Variants in HHIP observed in about 807,000 individuals in gnomAD.
The protein encoded by HHIP is hedgehog interacting protein.
In HHIP, 12 loss-of-function variants were observed where a neutral mutation model predicts 74.0. The observed-to-expected ratio is 0.16, with a 90% CI of 0.10 to 0.26. The LOEUF (loss-of-function observed/expected upper bound fraction) is 0.26. Ranked by LOEUF, HHIP falls within the 10% of genes least tolerant of loss-of-function variation. HHIP has a pLI of 1.00. For synonymous variants in HHIP, 309 were observed against 311.6 expected, an observed-to-expected ratio of 0.99 and a Z score of 0.09; for missense variants, 788 against 845.0, an observed-to-expected ratio of 0.93 and a Z score of 0.84.
chr4:144,714,306 C>T lies in HHIP; in HGVS notation c.1505C>T (p.Ser502Leu). 4 of 1,613,426 alleles carry T rather than the reference C, an allele frequency of 2.5e-6. No homozygotes were observed. The highest frequency in any genetic ancestry group is 3.4e-6 in the Non-Finnish European group (4 of 1,179,584). The part of the protein sequence containing the change: ...VGGFVYRGCQ[S>L]ERLYGSYVFG... ...GGATTTGTATACCGGGGCTGCCAGT[C>T]AGAAAGATTGTATGGAAGCTACGTG... is the stretch of plus-strand genomic sequence containing the variant. Residue 502 changes from serine (S) to leucine (L), a missense_variant, in exon 9 of 13, where the codon TCA becomes TTA. Around this residue, in one of 3 missense-constraint regions of HHIP, gnomAD observed 343 missense variants for 347.9 expected, o/e 0.99. Coordinates refer to ENST00000296575, the MANE Select transcript of HHIP (RefSeq NM_022475.3).
intron 4 of HHIP, among the ~76,000 whole-genome samples, chr4:144,686,311 G>C (rs1315103658): frequency 1.3e-5 from 2 of 151,810 alleles, no homozygotes; most frequent in Non-Finnish European, 2.9e-5. Flanking sequence ...TTTTTTTTAA[G>C]AGCCAGGAAA....
At chr4:144,732,790 T>A (rs984283845) in intron 11 of HHIP, among the ~76,000 whole-genome samples, 1 of 152,202 alleles carries the variant, frequency 6.6e-6, no homozygotes, top group African/African-American at 2.4e-5. Context: ...GCCTATAACA[T>A]GTAATAGATT....
chr4:144,690,888 AT>A (rs1008560823), intron 4 of HHIP, among the ~76,000 whole-genome samples: 6 of 151,496 alleles, frequency 4.0e-5, no homozygotes, highest in African/African-American at 4.8e-5. Context: ...GCTGTCCATG[AT>A]TTTTTTTTAA....
chr4:144,701,915 T>C (rs985472097), intron 4 of HHIP, among the ~76,000 whole-genome samples: 22 of 152,184 alleles, frequency 1.4e-4, no homozygotes, highest in Non-Finnish European at 1.5e-4. Context: ...AAACTAACTG[T>C]AACCACATTA....
At chr4:144,687,751 C>CTTTTTTTTT (rs5862719) in intron 4 of HHIP, among the ~76,000 whole-genome samples, 4 of 73,442 alleles carry the variant, frequency 5.4e-5, no homozygotes, top group Non-Finnish European at 7.2e-5. Flanking sequence ...CTTTTGGCAA[C>CTTTTTTTTT]TTTTTTTTTT....
At chr4:144,659,438 G>C (rs1423704354) in intron 3 of HHIP, among the ~76,000 whole-genome samples, 199 bp from the exon 4 acceptor site, 1 of 152,134 alleles carries the variant, frequency 6.6e-6, no homozygotes, top group East Asian at 1.9e-4. Flanking sequence ...TCTGAAAGAA[G>C]GCTGTTTTGT....
At chr4:144,709,347 A>G (rs1461252055) in intron 7 of HHIP, among the ~76,000 whole-genome samples, 9 of 152,156 alleles carry the variant, frequency 5.9e-5, no homozygotes, top group African/African-American at 2.2e-4. Context: ...TAGAGCTCAG[A>G]ACTCACAGAT....
At chr4:144,665,488 A>G (rs1728836213) in intron 4 of HHIP, among the ~76,000 whole-genome samples, 1 of 152,216 alleles carries the variant, frequency 6.6e-6, no homozygotes, top group Non-Finnish European at 1.5e-5. Context: ...GTACTCTGTG[A>G]AAAATGTCAT....
At chr4:144,725,569 T>A (rs1048321694) in intron 11 of HHIP, among the ~76,000 whole-genome samples, 1 of 152,218 alleles carries the variant, frequency 6.6e-6, no homozygotes, top group African/African-American at 2.4e-5. Context: ...TATTTTTTGA[T>A]GATTTCTAAA....
intron 4 of HHIP, among the ~76,000 whole-genome samples, chr4:144,687,274 G>C (rs1016887497): frequency 6.6e-6 from 1 of 152,144 alleles, no homozygotes; most frequent in African/African-American, 2.4e-5. Context: ...CATAAATAGA[G>C]AGTTTTGGAG....
At chr4:144,718,978 T>C (rs2126670720) in intron 11 of HHIP, 22 bp downstream of exon 11, 1 of 1,380,576 alleles carries the variant, frequency 7.2e-7, no homozygotes, top group African/African-American at 1.4e-5. Flanking sequence ...TTTTATCCCA[T>C]TAAGTCAAGT....
chr4:144,708,414 G>A, intron 7 of HHIP, 103 bp downstream of exon 7: 1 of 1,190,644 alleles, frequency 8.4e-7, no homozygotes, highest in African/African-American at 1.5e-5. Flanking sequence ...AGCAGCCAAA[G>A]GTAGTATCTA....
intron 11 of HHIP, among the ~76,000 whole-genome samples, chr4:144,721,522 T>C (rs569381347): frequency 2.0e-5 from 3 of 151,706 alleles, no homozygotes; most frequent in Admixed American, 6.6e-5. Flanking sequence ...AGATATTCTC[T>C]TGTAAAAATT....
chr4:144,732,858 A>G (rs1424792762), intron 11 of HHIP, among the ~76,000 whole-genome samples: 2 of 152,212 alleles, frequency 1.3e-5, no homozygotes, highest in Non-Finnish European at 2.9e-5. Context: ...GTGGGTGAGC[A>G]AGTGAGTAAG....
In HHIP at chr4:144,646,812, A is replaced by T; in HGVS notation, c.137A>T (p.Lys46Met). The part of the protein sequence containing the change: ...RRRCLNGNPP[K>M]RLKRRDRRMM... ...AGGTGCCTGAATGGGAACCCCCCGA[A>T]GCGCCTGAAAAGGAGAGACAGGAGG... Residue 46 changes from lysine to methionine, a missense_variant, in exon 1 of 13, where the codon AAG (lysine) becomes ATG (methionine). Lys to Met is a moderately conservative substitution (Grantham distance 95, BLOSUM62 -1). This residue lies in a region of HHIP where 373 missense variants were observed against 366.4 expected (regional missense o/e 1.02). Transcript: ENST00000296575. The T allele has an allele frequency of 6.2e-7, 1 of 1,614,186 alleles. No homozygotes were observed. The highest frequency in any genetic ancestry group is 8.5e-7 in the Non-Finnish European group (1 of 1,180,034).
chr4:144,677,044 CT>C (rs1729187645), intron 4 of HHIP, among the ~76,000 whole-genome samples: 1 of 152,146 alleles, frequency 6.6e-6, no homozygotes, highest in Admixed American at 6.5e-5. Flanking sequence ...CAGCTAGGGA[CT>C]CTGTGTCTCT....
intron 7 of HHIP, among the ~76,000 whole-genome samples, chr4:144,709,602 G>A (rs917481774): frequency 3.9e-5 from 6 of 152,100 alleles, no homozygotes; most frequent in Admixed American, 6.5e-5. Flanking sequence ...AGCAGAAGAC[G>A]ATTTAATAAA....
At position 144,734,236 on chromosome 4, in the gene HHIP, T is replaced by TA. The variant is rs1056130545; in HGVS notation, c.1761-494dup. 1.5e-3 allele frequency among the ~76,000 whole-genome samples: 224 copies of TA among 148,166 alleles called. 1 individual carries two copies. The highest frequency in any genetic ancestry group is 3.4e-3 in the Admixed American group (50 of 14,838). ...TATAAAATTAAAACAAAAATAAAAT[T>TA]AAAAAAAAAAACAAAGATTCCAAAG... On this transcript the variant is annotated intron_variant, in intron 11 of 12. Transcript: ENST00000296575.
At chr4:144,694,866 CATTT>C (rs1258103896) in intron 4 of HHIP, among the ~76,000 whole-genome samples, 2 of 151,692 alleles carry the variant, frequency 1.3e-5, no homozygotes, top group African/African-American at 2.4e-5. Context: ...CATTTTATTT[CATTT>C]GTTTTCAACA....
Sources: allele counts gnomAD v4.1 joint callset (sites outside exome capture counted in the v4.1 genomes callset), GRCh38; gene constraint gnomAD v4.1.1; regional missense constraint gnomAD v4.1.1; transcripts MANE v1.5; gene names NCBI Gene and HGNC (gene_info 2026-07-23, HGNC 2026-07-21).